CHFR: variants seen among roughly 807,000 people sequenced by gnomAD.
The protein encoded by CHFR is checkpoint with forkhead and ring finger domains, also known as E3 ubiquitin-protein ligase CHFR.
CHFR carries 57 observed loss-of-function variants against 87.6 expected under a neutral mutation model. That is an observed-to-expected ratio of 0.65 (90% CI 0.53 to 0.81). CHFR has a LOEUF of 0.81. CHFR is among the 30% of genes least tolerant of loss of function. The pLI is 0.00. For synonymous variants in CHFR, 381 were observed against 359.2 expected (o/e 1.06, Z -0.69); for missense variants, 797 against 865.8 (o/e 0.92, Z 1.00).
rs745612571 is a variant in CHFR, at chr12:132,848,078, T to C, written c.1647+7A>G. On this transcript the variant is annotated splice_region_variant and intron_variant, in intron 14 of 17. Transcript: ENST00000450056. ...TCCCGGCTCCCCAGCCCGCAGCGAG[T>C]CGGTACCTTCAGGATGTCTGACTCG... 8.0e-5 allele frequency: 129 copies of C among 1,613,234 alleles called. No individual in the cohort carries two copies. The highest frequency in any genetic ancestry group is 1.0e-4 in the Non-Finnish European group (119 of 1,179,874).
chr12:132,870,809 A>G, intron 4 of CHFR, 26 bp from the exon 5 acceptor site: 1 of 1,515,926 alleles, frequency 6.6e-7, no homozygotes, highest in Non-Finnish European at 9.2e-7. Flanking sequence ...TCAAATCAGA[A>G]AAGTGGTGGC....
rs935083655 is a variant in CHFR, at chr12:132,870,845, T to G, written c.344-62A>C. 6.4e-6 allele frequency: 6 copies of G among 932,452 alleles called. No homozygotes were observed. In the African/African-American group the frequency reaches 9.7e-5, roughly 15 times the overall value. 57.8% of individuals were successfully genotyped at this position (932,452 alleles called of 1,614,324 possible). ...CCCTGTGCAAACTGAGAACTCATTT[T>G]TCTCTTCTGTTCTCCAGTCCATTTG... On this transcript the variant is annotated intron_variant, in intron 4 of 17. Transcript: ENST00000450056.
rs748721756 is a variant in CHFR at position 132,848,145 on chromosome 12, C to T, written c.1587G>A (p.Leu529=). Residue 529 remains leucine, a synonymous_variant, in exon 14 of 18, where the codon CTG becomes CTA. Coordinates refer to ENST00000450056, the MANE Select transcript of CHFR (RefSeq NM_001161346.2). ...GCACGCCGTCCAGACACTTGTCACC[C>T]AGGTTGAGCTCTGCCGAGATGAAGG... ...GCLAPFCELN[L]GDKCLDGVLN... 3.7e-6 allele frequency: 6 copies of T among 1,614,012 alleles called. No individual in the cohort carries two copies. Among genetic ancestry groups the T allele is most frequent in the Non-Finnish European group, 5.1e-6 (6 of 1,180,036 alleles).
chr12:132,862,637 C>T (rs1299013730), intron 6 of CHFR, among the ~76,000 whole-genome samples: 1 of 151,966 alleles, frequency 6.6e-6, no homozygotes, highest in Non-Finnish European at 1.5e-5. Context: ...GTTGCCCAGG[C>T]TGGAGTGCAG....
chr12:132,852,939 T>G (rs1456105064), intron 11 of CHFR, among the ~76,000 whole-genome samples: 1 of 152,192 alleles, frequency 6.6e-6, no homozygotes, highest in East Asian at 1.9e-4. Context: ...CCAGCTCTCC[T>G]CTGACTTCCT....
chr12:132,853,435 CG>C lies in CHFR; in HGVS notation c.1367del (p.Thr456ArgfsTer83). The C allele has an allele frequency of 6.6e-7, 1 of 1,523,146 alleles. No homozygotes were observed. Among genetic ancestry groups the C allele is most frequent in the South Asian group, 1.3e-5 (1 of 79,132 alleles). 94.4% of individuals were successfully genotyped at this position (1,523,146 alleles called of 1,614,324 possible). On this transcript the variant is annotated frameshift_variant, in exon 11 of 18. Transcript: ENST00000450056. LOFTEE classifies it high-confidence loss of function. ...CCTGAGGGCGGCGCGGCTCACCTGT[CG>C]TCAGGCTGACGGACGTGGAGGGTGC... ...GDAPSTSVSL[T>X]TAVQDYVCPL...
Position 132,857,356 on chromosome 12 carries a change from A to T in CHFR, c.1066+49T>A, listed in dbSNP as rs1460816864. 1.9e-6 allele frequency: 3 copies of T among 1,573,844 alleles called. No homozygotes were observed. The African/African-American group carries it at 4.2e-5, about 22-fold the overall frequency. ...CCCTCACGTGCCTGGGTGGTGGTGG[A>T]GGGACCGCCCTCACGTGCCCGGGTG... On this transcript the variant is annotated intron_variant, in intron 9 of 17. Coordinates refer to ENST00000450056, the MANE Select transcript of CHFR (RefSeq NM_001161346.2).
At position 132,835,736 on chromosome 12, in the gene CHFR, C is replaced by T. The variant is rs951577619; in HGVS notation, c.*5818G>A. 3 of 256,478 alleles carry T rather than the reference C, an allele frequency of 1.2e-5. No homozygotes were observed. Among genetic ancestry groups the T allele is most frequent in the South Asian group, 3.5e-5 (1 of 28,946 alleles). The allele number at this position is 256,478 out of a possible 1,614,324, so 15.9% of individuals were successfully genotyped here. On this transcript the variant is annotated 3_prime_UTR_variant, in exon 18 of 18. Coordinates refer to ENST00000450056, the MANE Select transcript of CHFR (RefSeq NM_001161346.2). Reference sequence around the variant, plus strand: ...CCTGTTCTGCGGCGTTTTGATCCAGCGGCCCAAGTGGACCCACATTCAAGG... The same window carrying T: ...CCTGTTCTGCGGCGTTTTGATCCAGTGGCCCAAGTGGACCCACATTCAAGG...
Position 132,836,475 on chromosome 12 carries a change from G to T in CHFR, c.*5079C>A. On this transcript the variant is annotated 3_prime_UTR_variant, in exon 18 of 18. Transcript: ENST00000450056. ...CACAGTGACAGGCTCCCAGCAGGGC[G>T]CACGGCACTCACAGTGACAGGCTCC... 3.1e-6 allele frequency: 1 copy of T among 321,124 alleles called. No individual in the cohort carries two copies. Among genetic ancestry groups the T allele is most frequent in the East Asian group, 8.5e-5 (1 of 11,760 alleles). The allele number at this position is 321,124 out of a possible 1,614,324, so 19.9% of individuals were successfully genotyped here.
chr12:132,844,216 G>C, intron 15 of CHFR, 82 bp from the exon 16 acceptor site: 1 of 840,924 alleles, frequency 1.2e-6, no homozygotes, highest in Non-Finnish European at 2.0e-6. Flanking sequence ...GGAGACTAAC[G>C]CACTGACCAT....
At chr12:132,845,463 A>AT (rs377169496) in intron 15 of CHFR, among the ~76,000 whole-genome samples, 16 of 143,538 alleles carry the variant, frequency 1.1e-4, no homozygotes, top group African/African-American at 3.9e-4. Flanking sequence ...ATCTCAAAAA[A>AT]AAAAATAAAT....
chr12:132,887,154 T>C, intron 2 of CHFR, 42 bp downstream of exon 2: 1 of 1,430,752 alleles, frequency 7.0e-7, no homozygotes, highest in Non-Finnish European at 9.1e-7. Context: ...ACCCGGTGGC[T>C]CTGCCCGGCC....
In CHFR at chr12:132,837,527, G is replaced by C. The variant is rs1950656747; in HGVS notation, c.*4027C>G. On this transcript the variant is annotated 3_prime_UTR_variant, in exon 18 of 18. Transcript: ENST00000450056. ...TCGGGCCTGCAGGTAACAGGCAGGT[G>C]CGGTAAACTAACTAGAAAGTAGTGC... 1 of 153,002 alleles carries C rather than the reference G, an allele frequency of 6.5e-6. No homozygotes were observed. The allele number at this position is 153,002 out of a possible 1,614,324, so 9.5% of individuals were successfully genotyped here.
intron 12 of CHFR, chr12:132,848,942 A>G (rs946125674): frequency 3.8e-6 from 2 of 523,778 alleles, no homozygotes; most frequent in African/African-American, 3.9e-5. Context: ...CGAGGCTCAC[A>G]TTTTCTGGTT....
chr12:132,865,651 G>GTTTTT (rs1241641864), intron 6 of CHFR, among the ~76,000 whole-genome samples: 9 of 127,096 alleles, frequency 7.1e-5, no homozygotes, highest in East Asian at 2.7e-4. Flanking sequence ...GGGATTACAG[G>GTTTTT]TCTTTTTTTT....
intron 2 of CHFR, among the ~76,000 whole-genome samples, chr12:132,883,451 C>G (rs755177767): frequency 7.0e-6 from 1 of 142,408 alleles, no homozygotes; most frequent in Non-Finnish European, 1.5e-5. Flanking sequence ...AAAGACTGGG[C>G]GCAGTGGCTC....
In CHFR at chr12:132,859,071, AC is replaced by A; in HGVS notation, c.907del (p.Val303Ter). The A allele has an allele frequency of 1.2e-6, 2 of 1,613,006 alleles. No homozygotes were observed. The highest frequency in any genetic ancestry group is 1.7e-6 in the Non-Finnish European group (2 of 1,179,376). On this transcript the variant is annotated frameshift_variant, in exon 8 of 18. Transcript: ENST00000450056. LOFTEE classifies it high-confidence loss of function. ...IICQDLLHDCVSLQPCMHTFC... is the reference protein window; with the variant it reads ...IICQDLLHDCXSLQPCMHTFC... ...CCAAGGGTGAACACGGTCGCACCTCACGCAGTCGTGCAGCAGGTCCTGGCAG... is the reference window on the plus strand; with the variant it reads ...CCAAGGGTGAACACGGTCGCACCTCAGCAGTCGTGCAGCAGGTCCTGGCAG...
intron 3 of CHFR, among the ~76,000 whole-genome samples, chr12:132,872,647 G>C (rs1362606564): frequency 6.6e-6 from 1 of 152,178 alleles, no homozygotes; most frequent in East Asian, 1.9e-4. Context: ...CTCTGCTGCT[G>C]CAGGGCTGGG....
At chr12:132,883,996 T>G (rs1305900368) in intron 2 of CHFR, among the ~76,000 whole-genome samples, 3 of 152,110 alleles carry the variant, frequency 2.0e-5, no homozygotes, top group Non-Finnish European at 4.4e-5. Flanking sequence ...GGCACACGCC[T>G]GAAATCTCAG....
Sources: gnomAD v4.1 joint callset for allele counts (sites outside exome capture counted in the v4.1 genomes callset) on GRCh38, gnomAD v4.1.1 for gene constraint, MANE v1.5 for transcripts, NCBI Gene and HGNC (gene_info 2026-07-23, HGNC 2026-07-21) for gene names.